CFAP52: variants seen among roughly 807,000 people sequenced by gnomAD.
CFAP52 encodes cilia and flagella associated protein 52.
CFAP52 carries 57 observed loss-of-function variants against 70.5 expected under a neutral mutation model. That is an observed-to-expected ratio of 0.81 (90% CI 0.65 to 1.01). CFAP52 has a LOEUF of 1.01. CFAP52 is among the 50% of genes least tolerant of loss of function. CFAP52 has a pLI of 0.00. For synonymous variants in CFAP52, 267 were observed against 292.5 expected, an observed-to-expected ratio of 0.91 and a Z score of 0.89; for missense variants, 785 against 788.5, an observed-to-expected ratio of 1.00 and a Z score of 0.05.
chr17:9,635,445 A>C lies in CFAP52; in HGVS notation c.1361A>C (p.Glu454Ala), dbSNP rs756316028. ...ATAGGCTGTCAGACCCAGAAGCTGG[A>C]GGAGGCCCTGAAGGAACACAAGTCA... ...WQIGCQTQKL[E>A]EALKEHKSSV... Residue 454 changes from glutamate (E) to alanine (A), a missense_variant, in exon 11 of 14, where the codon GAG becomes GCG. Transcript: ENST00000352665. The C allele has an allele frequency of 3.1e-6, 5 of 1,614,060 alleles. No homozygotes were observed. Among genetic ancestry groups the C allele is most frequent in the Admixed American group, 3.3e-5 (2 of 59,998 alleles).
At chr17:9,612,532 C>A in intron 8 of CFAP52, 53 bp downstream of exon 8, 1 of 1,538,560 alleles carries the variant, frequency 6.5e-7, no homozygotes, top group South Asian at 1.2e-5. Flanking sequence ...TGTGCCAGGG[C>A]ATTTAATTTT....
chr17:9,644,836 T>C (rs1911250103), downstream of CFAP52: 1 of 152,194 alleles, frequency 6.6e-6, no homozygotes, highest in South Asian at 2.1e-4. Context: ...GCGGCCTCCC[T>C]ACGTTGCGAT....
intron 10 of CFAP52, among the ~76,000 whole-genome samples, chr17:9,633,299 G>T (rs1176446661): frequency 6.6e-6 from 1 of 152,120 alleles, no homozygotes; most frequent in African/African-American, 2.4e-5. Flanking sequence ...CTGCCTTCTG[G>T]GTTCAAGCGA....
intron 6 of CFAP52, among the ~76,000 whole-genome samples, chr17:9,605,478 C>A (rs1364720070): frequency 6.6e-6 from 1 of 151,840 alleles, no homozygotes; most frequent in Non-Finnish European, 1.5e-5. Context: ...TTGTGGGGAG[C>A]TGAGACGAGC....
intron 8 of CFAP52, among the ~76,000 whole-genome samples, chr17:9,615,852 C>G (rs1459034772): frequency 1.6e-5 from 2 of 127,626 alleles, no homozygotes; most frequent in Non-Finnish European, 3.1e-5. Context: ...GTTGCCCAAG[C>G]TGGTTTTCAA....
intron 3 of CFAP52, among the ~76,000 whole-genome samples, chr17:9,591,228 G>GAA (rs1416447213): frequency 1.3e-5 from 2 of 151,790 alleles, no homozygotes; most frequent in East Asian, 3.9e-4. Flanking sequence ...GTAGAGACGG[G>GAA]GGTCTCTTCA....
intron 4 of CFAP52, 133 bp from the exon 5 acceptor site, chr17:9,598,101 A>G (rs1404477641): frequency 1.5e-6 from 1 of 647,522 alleles, no homozygotes; most frequent in Non-Finnish European, 2.6e-6. Flanking sequence ...CGAATAAAAG[A>G]TCTTTCATAG....
intron 4 of CFAP52, among the ~76,000 whole-genome samples, chr17:9,596,713 T>G (rs1909033193): frequency 6.6e-6 from 1 of 151,562 alleles, no homozygotes; most frequent in Non-Finnish European, 1.5e-5. Flanking sequence ...TTGTTGTGTG[T>G]GTGTGTGTGT....
In CFAP52 at chr17:9,612,393, C is replaced by T. The variant is rs747834863; in HGVS notation, c.939C>T (p.His313=). 1 of 1,614,204 alleles carries T rather than the reference C, an allele frequency of 6.2e-7. No homozygotes were observed. The highest frequency in any genetic ancestry group is 8.5e-7 in the Non-Finnish European group (1 of 1,180,040). Residue 313 remains histidine (H), a synonymous_variant, in exon 8 of 14, where the codon CAC becomes CAT. Transcript: ENST00000352665. The part of the protein sequence containing the change: ...HQFLVGTEES[H]IYRVSFTDFK... The stretch of plus-strand genomic sequence containing the variant: ...TTCTCGTAGGAACAGAAGAATCGCA[C>T]ATTTATCGTGTCAGCTTCACGGATT...
intron 3 of CFAP52, among the ~76,000 whole-genome samples, chr17:9,587,860 C>T (rs943244716): frequency 6.6e-6 from 1 of 152,112 alleles, no homozygotes; most frequent in Non-Finnish European, 1.5e-5. Context: ...CTCTCTTGGC[C>T]CGTCTGTATT....
chr17:9,607,585 A>G (rs1909545268), intron 6 of CFAP52, among the ~76,000 whole-genome samples: 1 of 152,194 alleles, frequency 6.6e-6, no homozygotes, highest in African/African-American at 2.4e-5. Context: ...AAACAATAAG[A>G]AGTCTATTGT....
At position 9,635,453 on chromosome 17, in the gene CFAP52, C is replaced by T. The variant is rs140517505; in HGVS notation, c.1369C>T (p.Leu457=). Residue 457 remains leucine (L), a synonymous_variant, in exon 11 of 14, where the codon CTG becomes TTG. Coordinates refer to ENST00000352665, the MANE Select transcript of CFAP52 (RefSeq NM_145054.5). ...GCQTQKLEEA[L]KEHKSSVSCI... ...TCAGACCCAGAAGCTGGAGGAGGCC[C>T]TGAAGGAACACAAGTCATCAGTGTC... 4,709 of 1,614,150 alleles carry T rather than the reference C, an allele frequency of 2.9e-3. 14 individuals carry two copies. Among genetic ancestry groups the T allele is most frequent in the Middle Eastern group, 6.0e-3 (36 of 6,048 alleles).
chr17:9,638,040 C>G (rs950771304), intron 11 of CFAP52, among the ~76,000 whole-genome samples: 1 of 152,200 alleles, frequency 6.6e-6, no homozygotes, highest in Non-Finnish European at 1.5e-5. Context: ...TGGGACATCC[C>G]CACGTGACAG....
chr17:9,596,055 G>GTA (rs1908989294), intron 4 of CFAP52, among the ~76,000 whole-genome samples: 1 of 90,458 alleles, frequency 1.1e-5, no homozygotes, highest in Non-Finnish European at 2.0e-5. Flanking sequence ...ATATATATGT[G>GTA]TGTGTATATA....
intron 3 of CFAP52, among the ~76,000 whole-genome samples, chr17:9,589,664 C>T (rs1044890971): frequency 5.3e-5 from 8 of 150,318 alleles, no homozygotes; most frequent in African/African-American, 9.9e-5. Flanking sequence ...ACCTGGGAGG[C>T]GGAGGTTGCA....
intron 1 of CFAP52, chr17:9,584,169 A>G: frequency 2.5e-6 from 3 of 1,195,472 alleles, no homozygotes; most frequent in African/African-American, 1.6e-5. Flanking sequence ...ATTTTCTTTT[A>G]TTTTTGCTGA....
rs57960962 is a variant in CFAP52, at chr17:9,628,711, T to C, written c.1065T>C (p.Asp355=). ...AELFATCAKK[D]IRVWHTSSNR... Reference sequence around the variant, plus strand: ...TATTTGCAACCTGTGCCAAGAAGGATATCAGGGTGTGGCACACATCATCCA... The same window carrying C: ...TATTTGCAACCTGTGCCAAGAAGGACATCAGGGTGTGGCACACATCATCCA... Residue 355 remains aspartate, a synonymous_variant, in exon 9 of 14, where the codon GAT becomes GAC. Transcript: ENST00000352665. The C allele has an allele frequency of 3.3e-3, 5,385 of 1,614,158 alleles. 167 individuals carry two copies. The African/African-American group carries it at 0.063, about 19-fold the overall frequency.
chr17:9,610,136 A>G (rs968031923), intron 7 of CFAP52, among the ~76,000 whole-genome samples: 2 of 152,152 alleles, frequency 1.3e-5, no homozygotes, highest in African/African-American at 4.8e-5. Context: ...AATAGCAACA[A>G]TCAGGAGAGG....
intron 1 of CFAP52, among the ~76,000 whole-genome samples, chr17:9,583,448 C>G (rs1244088007): frequency 6.6e-6 from 1 of 151,474 alleles, no homozygotes; most frequent in African/African-American, 2.4e-5. Flanking sequence ...ATGAGTCTTT[C>G]GATGGAGAAG....
Sources: gnomAD v4.1 joint callset for allele counts (sites outside exome capture counted in the v4.1 genomes callset) on GRCh38, gnomAD v4.1.1 for gene constraint, MANE v1.5 for transcripts, NCBI Gene and HGNC (gene_info 2026-07-23, HGNC 2026-07-21) for gene names.